Variants in LUZP2 observed in about 807,000 individuals in gnomAD.
LUZP2 encodes the protein leucine zipper protein 2.
In LUZP2, 52 loss-of-function variants were observed where a neutral mutation model predicts 51.6. That is an observed-to-expected ratio of 1.01 (90% CI 0.81 to 1.27). The LOEUF is 1.27. Ranked by LOEUF, LUZP2 falls within the 50% of genes most tolerant of loss-of-function variation. The pLI is 0.00. For synonymous variants in LUZP2, 154 were observed against 137.3 expected (o/e 1.12, Z -0.85); for missense variants, 436 against 395.4 (o/e 1.10, Z -0.87).
chr11:24,875,673 G>A (rs917105271), intron 5 of LUZP2, among the ~76,000 whole-genome samples: 5 of 149,968 alleles, frequency 3.3e-5, no homozygotes, highest in South Asian at 2.1e-4. Flanking sequence ...CTGAGGAATC[G>A]CCACACTGAC....
intron 9 of LUZP2, among the ~76,000 whole-genome samples, chr11:25,023,761 G>A (rs1451575837): frequency 6.6e-6 from 1 of 152,048 alleles, no homozygotes; most frequent in Non-Finnish European, 1.5e-5. Flanking sequence ...GCTTTCTCTT[G>A]TGGGCATTTA....
At chr11:25,001,653 G>C (rs7928862) in intron 9 of LUZP2, among the ~76,000 whole-genome samples, 1 of 151,942 alleles carries the variant, frequency 6.6e-6, no homozygotes, top group South Asian at 2.1e-4. Context: ...GCTTTTAAAG[G>C]AATAGGGTAC....
rs1859438334 is a variant in LUZP2, at chr11:25,080,735, C to T, written c.*2077C>T. 6.6e-6 allele frequency: 1 copy of T among 151,998 alleles called. No individual in the cohort carries two copies. Among genetic ancestry groups the T allele is most frequent in the African/African-American group, 2.4e-5 (1 of 41,364 alleles). 9.4% of individuals were successfully genotyped at this position (151,998 alleles called of 1,614,324 possible). ...TTAGTTTTAATTTATGTTCAGTCTC[C>T]CACCTCCACCCTGGGGCCCAACTTC... On this transcript the variant is annotated 3_prime_UTR_variant, in exon 12 of 12. Coordinates refer to ENST00000336930, the MANE Select transcript of LUZP2 (RefSeq NM_001009909.4).
chr11:24,696,812 A>G (rs1477285093), intron 1 of LUZP2, among the ~76,000 whole-genome samples: 2 of 150,102 alleles, frequency 1.3e-5, no homozygotes, highest in Non-Finnish European at 3.0e-5. Flanking sequence ...GAATCTTAAG[A>G]AAAAAAAACA....
chr11:24,933,978 T>C (rs1207002686), intron 7 of LUZP2, among the ~76,000 whole-genome samples: 3 of 152,092 alleles, frequency 2.0e-5, no homozygotes, highest in Non-Finnish European at 2.9e-5. Flanking sequence ...GGGGGGAGGA[T>C]ATTACAATGT....
chr11:24,954,033 C>A (rs1855151046), intron 7 of LUZP2, among the ~76,000 whole-genome samples: 1 of 151,584 alleles, frequency 6.6e-6, no homozygotes, highest in Non-Finnish European at 1.5e-5. Flanking sequence ...TCTTCCTGGC[C>A]CATCTTCTGG....
chr11:24,714,004 C>A (rs890202407), intron 1 of LUZP2, among the ~76,000 whole-genome samples: 3 of 150,718 alleles, frequency 2.0e-5, no homozygotes, highest in African/African-American at 7.3e-5. Flanking sequence ...CCAAATCTGT[C>A]TTTTTTAAAA....
At chr11:25,019,397 T>C (rs1473159845) in intron 9 of LUZP2, among the ~76,000 whole-genome samples, 1 of 152,170 alleles carries the variant, frequency 6.6e-6, no homozygotes, top group Non-Finnish European at 1.5e-5. Flanking sequence ...ATATAATGCA[T>C]TTCATTAAAA....
rs181659937 is a variant in LUZP2 at position 24,744,717 on chromosome 11, T to C, written c.333+6415T>C. On this transcript the variant is annotated intron_variant, in intron 4 of 11. Coordinates refer to ENST00000336930, the MANE Select transcript of LUZP2 (RefSeq NM_001009909.4). ...TTGTTTCAATTTCACTTAGTCCTGCTCTGATCTTGGTTATTTCCTTTTTTC... is the reference window on the plus strand; with the variant it reads ...TTGTTTCAATTTCACTTAGTCCTGCCCTGATCTTGGTTATTTCCTTTTTTC... Among the ~76,000 whole-genome samples the C allele has an allele frequency of 7.0e-3, 1,062 of 152,304 alleles. 8 individuals are homozygous for C. The highest frequency in any genetic ancestry group is 0.024 in the African/African-American group (995 of 41,590).
At chr11:24,893,638 C>A (rs1291106820) in intron 5 of LUZP2, among the ~76,000 whole-genome samples, 1 of 152,034 alleles carries the variant, frequency 6.6e-6, no homozygotes, top group Non-Finnish European at 1.5e-5. Context: ...CACATTTGGA[C>A]TCAGAATATG....
intron 1 of LUZP2, among the ~76,000 whole-genome samples, chr11:24,507,672 G>C (rs1850182432): frequency 6.7e-6 from 1 of 148,822 alleles, no homozygotes; most frequent in Non-Finnish European, 1.5e-5. Flanking sequence ...ATATAATAAA[G>C]AGGCAAAAAA....
chr11:24,757,321 C>T (rs1022863515), intron 4 of LUZP2, among the ~76,000 whole-genome samples: 45 of 152,144 alleles, frequency 3.0e-4, no homozygotes, highest in African/African-American at 9.6e-4. Flanking sequence ...TGTTATTAAA[C>T]TCTATTTTAA....
rs546505136 is a variant in LUZP2 at position 24,626,726 on chromosome 11, A to G, written c.63-102443A>G. Among the ~76,000 whole-genome samples the G allele has an allele frequency of 2.0e-5, 3 of 152,256 alleles. No individual in the cohort carries two copies. In the South Asian group the frequency reaches 6.2e-4, roughly 32 times the overall value. ...CTAACATAACAATGAAGGCTAATCA[A>G]TATCAAAATGACTTAAAATCAATAC... On this transcript the variant is annotated intron_variant, in intron 1 of 11. Coordinates refer to ENST00000336930, the MANE Select transcript of LUZP2 (RefSeq NM_001009909.4).
chr11:24,695,983 A>T (rs12788397), intron 1 of LUZP2, among the ~76,000 whole-genome samples: 6,214 of 152,102 alleles, frequency 0.041, 146 homozygotes, highest in African/African-American at 0.06. Flanking sequence ...AGAAGTAGAG[A>T]TTACTTGGGA....
intron 5 of LUZP2, among the ~76,000 whole-genome samples, chr11:24,839,444 A>C (rs1178007420): frequency 6.6e-6 from 1 of 151,778 alleles, no homozygotes; most frequent in Non-Finnish European, 1.5e-5. Context: ...CTGAGATAGC[A>C]TAAAAATAGT....
At chr11:25,052,673 T>C (rs1858555211) in intron 10 of LUZP2, among the ~76,000 whole-genome samples, 1 of 152,174 alleles carries the variant, frequency 6.6e-6, no homozygotes, top group African/African-American at 2.4e-5. Context: ...AGTATCAAAA[T>C]ACTGACTACC....
chr11:24,656,264 T>C (rs1232315155), intron 1 of LUZP2, among the ~76,000 whole-genome samples: 1 of 152,144 alleles, frequency 6.6e-6, no homozygotes, highest in Non-Finnish European at 1.5e-5. Context: ...CTCCATTCTA[T>C]CAATTTTCTA....
intron 5 of LUZP2, among the ~76,000 whole-genome samples, chr11:24,841,951 A>G (rs1201932892): frequency 6.6e-6 from 1 of 152,104 alleles, no homozygotes; most frequent in Non-Finnish European, 1.5e-5. Context: ...AAATATTAGC[A>G]TAGTATGAGG....
intron 7 of LUZP2, among the ~76,000 whole-genome samples, chr11:24,941,098 G>T (rs1410353498): frequency 6.6e-6 from 1 of 152,140 alleles, no homozygotes; most frequent in Admixed American, 6.5e-5. Flanking sequence ...AATTCTCAGG[G>T]TAACCCACTG....
Sources: gnomAD v4.1 joint callset for allele counts (sites outside exome capture counted in the v4.1 genomes callset) on GRCh38, gnomAD v4.1.1 for gene constraint, MANE v1.5 for transcripts, NCBI Gene and HGNC (gene_info 2026-07-23, HGNC 2026-07-21) for gene names.